Variants in ANO2 observed in about 807,000 individuals in gnomAD.
ANO2 encodes the protein anoctamin 2, also known as anoctamin-2.
ANO2 carries 101 observed loss-of-function variants against 124.2 expected under a neutral mutation model. That is an observed-to-expected ratio of 0.81 (90% CI 0.69 to 0.96). The LOEUF is 0.96. ANO2 is among the 40% of genes least tolerant of loss of function. The pLI is 0.00. For missense variants in ANO2, 1,293 were observed against 1,274.5 expected (o/e 1.01, Z -0.22); for synonymous variants, 486 against 482.5 (o/e 1.01, Z -0.09).
chr12:5,759,232 A>C (rs898806754), intron 10 of ANO2, among the ~76,000 whole-genome samples: 10 of 152,032 alleles, frequency 6.6e-5, no homozygotes, highest in African/African-American at 1.9e-4. Flanking sequence ...CAAAAATGAA[A>C]CCCCACATAC....
chr12:5,946,066 A>G (rs1425345566), upstream of ANO2: 7 of 1,512,690 alleles, frequency 4.6e-6, no homozygotes, highest in African/African-American at 5.5e-5. The surrounding 1 kb of genome is among the most constrained non-coding windows in gnomAD (Gnocchi z 4.1). Flanking sequence ...GATGCACAGA[A>G]GTAAAACAAG....
intron 20 of ANO2, among the ~76,000 whole-genome samples, chr12:5,597,736 C>T (rs1407354215): frequency 6.6e-6 from 1 of 152,106 alleles, no homozygotes; most frequent in African/African-American, 2.4e-5. Context: ...GTAGGCCCTT[C>T]CCCAAATGGA....
At chr12:5,773,137 C>A (rs770799876) in intron 10 of ANO2, among the ~76,000 whole-genome samples, 21 of 152,266 alleles carry the variant, frequency 1.4e-4, no homozygotes, top group South Asian at 6.2e-4. Flanking sequence ...TTCTCCCATG[C>A]ACCAGCTCCG....
Position 5,830,537 on chromosome 12 carries a change from C to T in ANO2, c.786-48G>A, listed in dbSNP as rs747321836. 1.6e-5 allele frequency: 25 copies of T among 1,562,432 alleles called. No homozygotes were observed. The South Asian group carries it at 2.0e-4, about 12-fold the overall frequency. On this transcript the variant is annotated intron_variant, in intron 5 of 24. Coordinates refer to ENST00000682330, the MANE Select transcript of ANO2 (RefSeq NM_001364791.2). ...TGGCAAATTCATTTCATTACCCTTG[C>T]CCTGAGACCACTGCCACCCCAGACC...
chr12:5,593,232 C>G (rs1257764182), intron 20 of ANO2, among the ~76,000 whole-genome samples: 1 of 152,092 alleles, frequency 6.6e-6, no homozygotes, highest in African/African-American at 2.4e-5. Flanking sequence ...CAGTAATAGC[C>G]CAAGGGCCTC....
At chr12:5,574,203 A>G (rs1942280297) in intron 23 of ANO2, among the ~76,000 whole-genome samples, 1 of 152,204 alleles carries the variant, frequency 6.6e-6, no homozygotes, top group Non-Finnish European at 1.5e-5. Context: ...TATTGGGACT[A>G]TCTTTTAACC....
At chr12:5,845,091 G>C (rs1954641500) in intron 4 of ANO2, among the ~76,000 whole-genome samples, 1 of 151,922 alleles carries the variant, frequency 6.6e-6, no homozygotes, top group Non-Finnish European at 1.5e-5. Flanking sequence ...GGGCAACATG[G>C]GGGAAACCCC....
intron 20 of ANO2, among the ~76,000 whole-genome samples, chr12:5,589,502 C>T (rs1459935629): frequency 6.6e-6 from 1 of 152,122 alleles, no homozygotes; most frequent in African/African-American, 2.4e-5. Context: ...TAAGAGAAAG[C>T]CGAAGACATA....
intron 3 of ANO2, among the ~76,000 whole-genome samples, chr12:5,910,786 C>T (rs1940999972): frequency 6.6e-6 from 1 of 152,108 alleles, no homozygotes; most frequent in African/African-American, 2.4e-5. Context: ...GCTGAAGTGG[C>T]CCCAAGAACC....
chr12:5,930,531 C>A (rs1345046918), intron 1 of ANO2, among the ~76,000 whole-genome samples: 1 of 152,178 alleles, frequency 6.6e-6, no homozygotes, highest in African/African-American at 2.4e-5. Context: ...GAGTAGGCAA[C>A]CATGGTCCTG....
intron 20 of ANO2, among the ~76,000 whole-genome samples, chr12:5,582,852 A>C (rs553656792): frequency 7.4e-4 from 113 of 152,258 alleles, no homozygotes; most frequent in African/African-American, 2.6e-3. Context: ...TTCATCTCTC[A>C]GGCTCAACTC....
chr12:5,621,257 C>T lies in ANO2; in HGVS notation c.1817-5960G>A, dbSNP rs548572743. On this transcript the variant is annotated intron_variant, in intron 16 of 24. Coordinates refer to ENST00000682330, the MANE Select transcript of ANO2 (RefSeq NM_001364791.2). ...CAGACCCCAGCTATTGCCAGATGTGCTCTACTATGAACATGCATTGAATAA... is the reference window on the plus strand; with the variant it reads ...CAGACCCCAGCTATTGCCAGATGTGTTCTACTATGAACATGCATTGAATAA... Among the ~76,000 whole-genome samples the T allele has an allele frequency of 8.5e-5, 13 of 152,230 alleles. No individual in the cohort carries two copies. The South Asian group carries it at 2.3e-3, about 27-fold the overall frequency.
intron 4 of ANO2, 42 bp downstream of exon 4, chr12:5,854,001 A>G (rs762431315): frequency 6.5e-7 from 1 of 1,549,056 alleles, no homozygotes; most frequent in Non-Finnish European, 8.9e-7. Context: ...GCATCCATCC[A>G]GCCCTCAGGA....
intron 19 of ANO2, among the ~76,000 whole-genome samples, chr12:5,609,497 T>C (rs997389692): frequency 2.0e-5 from 3 of 152,180 alleles, no homozygotes; most frequent in Non-Finnish European, 4.4e-5. Context: ...AAAAATGATA[T>C]TATTTCCAGG....
At chr12:5,732,284 C>T (rs767321024) in intron 14 of ANO2, among the ~76,000 whole-genome samples, 1 of 152,126 alleles carries the variant, frequency 6.6e-6, no homozygotes, top group Non-Finnish European at 1.5e-5. Context: ...CTAACCTGCC[C>T]TCCCATTTTG....
At chr12:5,707,899 T>C (rs1949673612) in intron 14 of ANO2, among the ~76,000 whole-genome samples, 1 of 152,220 alleles carries the variant, frequency 6.6e-6, no homozygotes, top group African/African-American at 2.4e-5. Context: ...TCCACTCCCA[T>C]GTGTCCAGTG....
chr12:5,804,929 A>C (rs569076702), intron 9 of ANO2, among the ~76,000 whole-genome samples: 2 of 152,200 alleles, frequency 1.3e-5, no homozygotes, highest in East Asian at 3.9e-4. Flanking sequence ...GGAAGGAAAA[A>C]TTAGAGAGTG....
chr12:5,880,135 G>A (rs1198285269), intron 3 of ANO2, among the ~76,000 whole-genome samples: 2 of 152,196 alleles, frequency 1.3e-5, no homozygotes, highest in Non-Finnish European at 2.9e-5. Flanking sequence ...TTCTGTTGTA[G>A]TTGACAGGGA....
intron 22 of ANO2, among the ~76,000 whole-genome samples, chr12:5,576,952 T>C (rs1013784690): frequency 6.6e-6 from 1 of 152,232 alleles, no homozygotes; most frequent in African/African-American, 2.4e-5. Context: ...TGATCTTATT[T>C]GGTGGGTACT....
Sources: gnomAD v4.1 joint callset for allele counts (sites outside exome capture counted in the v4.1 genomes callset) on GRCh38, gnomAD v4.1.1 for gene constraint, Gnocchi (gnomAD v3.1) non-coding constraint, MANE v1.5 for transcripts, NCBI Gene and HGNC (gene_info 2026-07-23, HGNC 2026-07-21) for gene names.